SPPL2B: variants seen among roughly 807,000 people sequenced by gnomAD.
The protein encoded by SPPL2B is signal peptide peptidase-like 2B.
A neutral mutation model predicts 59.7 loss-of-function variants in SPPL2B; 39 were observed. The observed-to-expected ratio is 0.65, with a 90% CI of 0.51 to 0.85. SPPL2B has a LOEUF of 0.85. Among genes scored for constraint, SPPL2B ranks in the 40% least tolerant of loss-of-function variants. The pLI is 0.00. For missense variants in SPPL2B, 865 were observed against 849.0 expected (o/e 1.02, Z -0.23); for synonymous variants, 419 against 370.8 (o/e 1.13, Z -1.49).
At position 2,353,428 on chromosome 19, in the gene SPPL2B, C is replaced by T; in HGVS notation, c.*219C>T. ...CTGCACGCCTGCTGCTCCCAGCTCG[C>T]CCGGCTGCCACAAGCTCTCTGCGGG... On this transcript the variant is annotated 3_prime_UTR_variant, in exon 15 of 15. Coordinates refer to ENST00000613503, the MANE Select transcript of SPPL2B (RefSeq NM_152988.3). 3 of 591,762 alleles carry T rather than the reference C, an allele frequency of 5.1e-6. No homozygotes were observed. Among genetic ancestry groups the T allele is most frequent in the South Asian group, 4.1e-5 (2 of 48,270 alleles). 36.7% of individuals were successfully genotyped at this position (591,762 alleles called of 1,614,324 possible). A position where few individuals can be genotyped will look rare whatever the true frequency, so the allele number is the denominator to read the frequency against.
chr19:2,344,024 G>T lies in SPPL2B; in HGVS notation c.1098G>T (p.Thr366=). ...FLYDIFFVFI[T]PFLTKSGSSI... ...ACGACATCTTCTTCGTGTTCATCAC[G>T]CCCTTCCTGACCAAGGTAGGCGACT... The change falls in exon 10 of 15, where the codon ACG becomes ACT. Residue 366 remains threonine, a synonymous_variant. Coordinates refer to ENST00000613503, the MANE Select transcript of SPPL2B (RefSeq NM_152988.3). The T allele has an allele frequency of 6.5e-7, 1 of 1,547,522 alleles. No individual in the cohort carries two copies. Among genetic ancestry groups the T allele is most frequent in the South Asian group, 1.2e-5 (1 of 83,938 alleles).
intron 3 of SPPL2B, 41 bp from the exon 4 acceptor site, chr19:2,338,711 G>A (rs1275001250): frequency 6.9e-7 from 1 of 1,445,918 alleles, no homozygotes; most frequent in Admixed American, 1.7e-5. Context: ...CCCACCCACT[G>A]CTGCGGGTGA....
At chr19:2,352,660 CA>C (rs1969990863) in intron 14 of SPPL2B, among the ~76,000 whole-genome samples, 1 of 152,158 alleles carries the variant, frequency 6.6e-6, no homozygotes, top group Admixed American at 6.5e-5. Context: ...GGACCAGGCC[CA>C]GGGGCGAGAG....
Position 2,340,981 on chromosome 19 carries a change from G to T in SPPL2B, c.923G>T (p.Ser308Ile), listed in dbSNP as rs1242693737. The T allele has an allele frequency of 1.9e-6, 3 of 1,604,810 alleles. No individual in the cohort carries two copies. The highest frequency in any genetic ancestry group is 2.5e-6 in the Non-Finnish European group (3 of 1,179,604). The change falls in exon 8 of 15, where the codon AGC (serine) becomes ATC (isoleucine). Residue 308 changes from serine to isoleucine, a missense_variant. By Grantham distance (142) the Ser-to-Ile change is moderately radical. Transcript: ENST00000613503. ...CTGGCGCTCTTCTGCGTGGCCGTCA[G>T]CGTGGTGTGGGGCGTCTTCCGCAAC... Reference protein sequence around the residue: ...LLLALFCVAVSVVWGVFRNED... With the variant: ...LLLALFCVAVIVVWGVFRNED...
chr19:2,339,564 C>G, intron 5 of SPPL2B: 1 of 590,942 alleles, frequency 1.7e-6, no homozygotes, highest in Non-Finnish European at 3.0e-6. Flanking sequence ...ATCCAAGCTG[C>G]GGTTGCTGCC....
rs1128402 is a variant in SPPL2B at position 2,353,152 on chromosome 19, C to A, written c.1722C>A (p.Ser574=). Residue 574 remains serine, a synonymous_variant, in exon 15 of 15, where the codon TCC becomes TCA. Transcript: ENST00000613503. The stretch of plus-strand genomic sequence containing the variant: ...GGGAGCCTGGGAGCCCAGCTGAATC[C>A]GAGGGCCGGGACCAGGCCCAGCCGT... ...PMREPGSPAE[S]EGRDQAQPSP... 0.23 allele frequency: 377,024 copies of A among 1,609,040 alleles called. 50,659 individuals carry two copies. Among genetic ancestry groups the A allele is most frequent in the East Asian group, 0.66 (29,590 of 44,764 alleles).
intron 1 of SPPL2B, among the ~76,000 whole-genome samples, chr19:2,334,230 G>GGGCTCTGCCCGTGGCTCTGCCCGT (rs550405137): frequency 6.6e-6 from 1 of 152,322 alleles, no homozygotes; most frequent in East Asian, 1.9e-4. Flanking sequence ...TCCCTGCTCA[G>GGGCTCTGCCCGTGGCTCTGCCCGT]GGCTCTGCCC....
At chr19:2,337,303 C>A in intron 2 of SPPL2B, 140 bp from the exon 3 acceptor site, 1 of 758,518 alleles carries the variant, frequency 1.3e-6, no homozygotes, top group Non-Finnish European at 2.1e-6. Context: ...ATGGCTCTGC[C>A]TAGGTGGGCC....
At chr19:2,329,458 A>G (rs1012579499) in intron 1 of SPPL2B, among the ~76,000 whole-genome samples, 2 of 152,156 alleles carry the variant, frequency 1.3e-5, no homozygotes, top group African/African-American at 4.8e-5. Context: ...TGATGTAAAG[A>G]GTGTCAGGTT....
At chr19:2,352,660 C>G (rs1211438495) in intron 14 of SPPL2B, among the ~76,000 whole-genome samples, 3 of 152,274 alleles carry the variant, frequency 2.0e-5, no homozygotes, top group Non-Finnish European at 2.9e-5. Flanking sequence ...GGACCAGGCC[C>G]AGGGGCGAGA....
At chr19:2,350,318 T>TCC (rs1555757929) in intron 13 of SPPL2B, among the ~76,000 whole-genome samples, 1 of 131,270 alleles carries the variant, frequency 7.6e-6, no homozygotes, top group East Asian at 2.2e-4. Context: ...CTTGACTCCG[T>TCC]TCTCTCTCCA....
intron 2 of SPPL2B, among the ~76,000 whole-genome samples, chr19:2,335,531 T>A (rs1390095199): frequency 1.1e-5 from 1 of 87,672 alleles, no homozygotes; most frequent in Non-Finnish European, 2.3e-5. Flanking sequence ...CTTTCTCACT[T>A]CATCCCTCAG....
At chr19:2,339,267 G>C in intron 5 of SPPL2B, 59 bp downstream of exon 5, 2 of 1,554,416 alleles carry the variant, frequency 1.3e-6, no homozygotes, top group East Asian at 4.7e-5. Flanking sequence ...CACGGGCCGG[G>C]ACGGCCAGTC....
chr19:2,331,527 C>T lies in SPPL2B; in HGVS notation c.66+2752C>T, dbSNP rs187037127. 5.3e-5 allele frequency among the ~76,000 whole-genome samples: 8 copies of T among 152,162 alleles called. No individual in the cohort carries two copies. The East Asian group carries it at 1.2e-3, about 22-fold the overall frequency. ...ACTCAGCAGGTGAGGAAACTCTTCC[C>T]GGTGAGATGCCGCGTTCTCTGGCCT... On this transcript the variant is annotated intron_variant, in intron 1 of 14. Coordinates refer to ENST00000613503, the MANE Select transcript of SPPL2B (RefSeq NM_152988.3).
chr19:2,349,361 T>C (rs371190217), intron 13 of SPPL2B, among the ~76,000 whole-genome samples: 4 of 78,910 alleles, frequency 5.1e-5, no homozygotes, highest in African/African-American at 1.0e-4. Context: ...CACACTCGTG[T>C]TCTCATTCGC....
rs1970071844 is a variant in SPPL2B, at chr19:2,354,212, G to A, written c.*1003G>A. The A allele has an allele frequency of 6.6e-6, 1 of 152,274 alleles. No homozygotes were observed. Among genetic ancestry groups the A allele is most frequent in the Non-Finnish European group, 1.5e-5 (1 of 68,102 alleles). 9.4% of individuals were successfully genotyped at this position (152,274 alleles called of 1,614,324 possible). On this transcript the variant is annotated 3_prime_UTR_variant, in exon 15 of 15. Transcript: ENST00000613503. ...TTAACCCTCTGGACCCAGCAGCTAGGAGCTTCTGGAACCCACGAGGACATC... is the reference window on the plus strand; with the variant it reads ...TTAACCCTCTGGACCCAGCAGCTAGAAGCTTCTGGAACCCACGAGGACATC...
At chr19:2,349,185 C>T (rs1434057638) in intron 13 of SPPL2B, among the ~76,000 whole-genome samples, 2 of 47,842 alleles carry the variant, frequency 4.2e-5, no homozygotes, top group African/African-American at 9.2e-5. Context: ...CACTCACGCG[C>T]TGTCATTCGC....
chr19:2,333,633 G>A (rs1033014663), intron 1 of SPPL2B, among the ~76,000 whole-genome samples: 4 of 152,226 alleles, frequency 2.6e-5, no homozygotes, highest in Middle Eastern at 3.2e-3. Context: ...TTTTGAGAGC[G>A]TGGCAAGGGC....
chr19:2,353,009 T>C lies in SPPL2B; in HGVS notation c.1579T>C (p.Ser527Pro). The C allele has an allele frequency of 6.2e-7, 1 of 1,611,886 alleles. No homozygotes were observed. The change falls in exon 15 of 15, where the codon TCT (serine) becomes CCT (proline). Residue 527 changes from serine (S) to proline (P), a missense_variant. Coordinates refer to ENST00000613503, the MANE Select transcript of SPPL2B (RefSeq NM_152988.3). Reference protein sequence around the residue: ...PADGPQPPKDSATPLSPQPPS... With the variant: ...PADGPQPPKDPATPLSPQPPS... ...CGACGGCCCGCAGCCTCCCAAAGAC[T>C]CTGCCACGCCACTCTCCCCGCAGCC...
Sources: gnomAD v4.1 joint callset for allele counts (sites outside exome capture counted in the v4.1 genomes callset) on GRCh38, gnomAD v4.1.1 for gene constraint, MANE v1.5 for transcripts, NCBI Gene and HGNC (gene_info 2026-07-23, HGNC 2026-07-21) for gene names.